The following NFIB variants were observed in gnomAD, a reference collection of about 807,000 sequenced individuals.
NFIB encodes the protein nuclear factor 1 B-type.
In NFIB, 11 loss-of-function variants were observed where a neutral mutation model predicts 61.5. The ratio of observed to expected loss-of-function variants is 0.18; its 90% confidence interval spans 0.11 to 0.30. The LOEUF is 0.30. Ranked by LOEUF, NFIB falls within the 10% of genes least tolerant of loss-of-function variation. The pLI is 1.00. For missense variants in NFIB, 471 were observed against 608.9 expected (o/e 0.77, Z 2.38); for synonymous variants, 260 against 216.5 (o/e 1.20, Z -1.76).
chr9:14,168,492 G>A (rs531544611), intron 3 of NFIB, among the ~76,000 whole-genome samples: 2 of 152,268 alleles, frequency 1.3e-5, no homozygotes, highest in East Asian at 3.9e-4. Flanking sequence ...AGCAGCACAC[G>A]GCTAACGCTA....
At chr9:14,414,614 G>C in the NFIB span, among the ~76,000 whole-genome samples, 3 of 148,638 alleles carry the variant, frequency 2.0e-5, no homozygotes, top group African/African-American at 7.5e-5. Flanking sequence ...GTTCATAATA[G>C]TGCCTACCTA....
intron 2 of NFIB, among the ~76,000 whole-genome samples, chr9:14,247,592 C>T (rs922064703): frequency 6.6e-6 from 1 of 152,200 alleles, no homozygotes; most frequent in Non-Finnish European, 1.5e-5. Context: ...ATCAAGCATC[C>T]AAAGGCCACC....
At chr9:14,170,966 AC>A (rs1438907043) in intron 3 of NFIB, among the ~76,000 whole-genome samples, 2 of 152,174 alleles carry the variant, frequency 1.3e-5, no homozygotes, top group East Asian at 3.9e-4. Flanking sequence ...ACCTTATGAC[AC>A]CATTTCAGAT....
the NFIB span, among the ~76,000 whole-genome samples, chr9:14,422,811 T>C: frequency 1.3e-5 from 2 of 152,126 alleles, no homozygotes; most frequent in Non-Finnish European, 2.9e-5. Context: ...CAGCCATAGA[T>C]AGCCCTGTGT....
intron 6 of NFIB, among the ~76,000 whole-genome samples, chr9:14,135,778 A>AT (rs959903005): frequency 8.5e-5 from 13 of 152,170 alleles, no homozygotes; most frequent in Admixed American, 3.9e-4. Flanking sequence ...TTTCTCAACC[A>AT]TTTTTTTTAA....
At chr9:14,425,492 C>G in the NFIB span, among the ~76,000 whole-genome samples, 1 of 151,820 alleles carries the variant, frequency 6.6e-6, no homozygotes, top group East Asian at 1.9e-4. Context: ...TTGTAGAGAT[C>G]TGGGGAAAAG....
chr9:14,463,979 A>T, the NFIB span, among the ~76,000 whole-genome samples: 2 of 152,118 alleles, frequency 1.3e-5, no homozygotes, highest in South Asian at 4.1e-4. Context: ...TTTTCTAAAA[A>T]CACAATCTAC....
At chr9:14,444,997 CA>C in the NFIB span, among the ~76,000 whole-genome samples, 1 of 150,832 alleles carries the variant, frequency 6.6e-6, no homozygotes, top group East Asian at 1.9e-4. Context: ...TGGAACAATA[CA>C]GTATGTGTTC....
intron 2 of NFIB, among the ~76,000 whole-genome samples, chr9:14,262,774 TTTTG>T (rs769010252): frequency 4.0e-5 from 6 of 151,876 alleles, no homozygotes; most frequent in East Asian, 1.9e-4. Flanking sequence ...GCTGTTTGTT[TTTTG>T]TTTATTTGTT....
chr9:14,330,952 G>A (rs764495639), intron 1 of NFIB, among the ~76,000 whole-genome samples: 4 of 152,124 alleles, frequency 2.6e-5, no homozygotes, highest in Admixed American at 6.5e-5. Flanking sequence ...CCTCTGTACT[G>A]AGTTTCCCCG....
intron 2 of NFIB, among the ~76,000 whole-genome samples, chr9:14,293,696 G>C (rs1274900478): frequency 6.6e-6 from 1 of 152,150 alleles, no homozygotes; most frequent in East Asian, 1.9e-4. Flanking sequence ...AGGATTAGTA[G>C]ACAGCCTTAT....
intron 1 of NFIB, among the ~76,000 whole-genome samples, chr9:14,312,893 T>A (rs570710058): frequency 6.6e-6 from 1 of 152,142 alleles, no homozygotes; most frequent in Non-Finnish European, 1.5e-5. Context: ...AACCCCAAAG[T>A]GCAGCAGGTC....
the NFIB span, among the ~76,000 whole-genome samples, chr9:14,423,720 A>G: frequency 3.1e-3 from 468 of 152,342 alleles, 4 homozygotes; most frequent in African/African-American, 0.011. Flanking sequence ...TCTGCAAAGT[A>G]GTTTGGCCAG....
intron 2 of NFIB, among the ~76,000 whole-genome samples, chr9:14,193,705 GAT>G (rs758403439): frequency 1.3e-5 from 2 of 152,110 alleles, no homozygotes; most frequent in African/African-American, 2.4e-5. Flanking sequence ...TACGCACAGG[GAT>G]ATATATGAAC....
rs562553833 is a variant in NFIB, at chr9:14,146,105, G to A, written c.925+584C>T. Among the ~76,000 whole-genome samples the A allele has an allele frequency of 2.6e-5, 4 of 152,056 alleles. No individual in the cohort carries two copies. In the East Asian group the frequency reaches 5.8e-4, roughly 22 times the overall value. The stretch of plus-strand genomic sequence containing the variant: ...AGAAGAGCTAAGTCTCAATCCTTCC[G>A]GGTCTCAATACCCATTTCTTAAAGT... On this transcript the variant is annotated intron_variant, in intron 6 of 10. Transcript: ENST00000380953.
At chr9:14,167,171 T>C (rs967271802) in intron 3 of NFIB, among the ~76,000 whole-genome samples, 4 of 151,328 alleles carry the variant, frequency 2.6e-5, no homozygotes, top group Non-Finnish European at 5.9e-5. Flanking sequence ...CATCTGAAGA[T>C]GAGGGTAGAC....
Position 14,087,982 on chromosome 9 carries a change from T to C in NFIB, c.*327A>G. On this transcript the variant is annotated 3_prime_UTR_variant, in exon 11 of 11. Transcript: ENST00000380953. ...AGGCTACGTTGCAGGGGCTGCGATCTACCATCAGTGAAATATCATCGACCC... is the reference window on the plus strand; with the variant it reads ...AGGCTACGTTGCAGGGGCTGCGATCCACCATCAGTGAAATATCATCGACCC... 1 of 309,442 alleles carries C rather than the reference T, an allele frequency of 3.2e-6. No homozygotes were observed. The highest frequency in any genetic ancestry group is 2.1e-5 in the African/African-American group (1 of 47,032). The allele number at this position is 309,442 out of a possible 1,614,324, so 19.2% of individuals were successfully genotyped here. A position where few individuals can be genotyped will look rare whatever the true frequency, so the allele number is the denominator to read the frequency against.
rs2050908499 is a variant in NFIB, at chr9:14,216,528, C to G, written c.563-36748G>C. Reference sequence around the variant, plus strand: ...TCTCTCTCTCTCTCTCTCTCTCTCTCTCTCTCTCTCTCTCCCTCTGTGTGT... The same window carrying G: ...TCTCTCTCTCTCTCTCTCTCTCTCTGTCTCTCTCTCTCTCCCTCTGTGTGT... On this transcript the variant is annotated intron_variant, in intron 2 of 10. Transcript: ENST00000380953. Among the ~76,000 whole-genome samples, 13 of 89,666 alleles carry G rather than the reference C, an allele frequency of 1.4e-4. No individual in the cohort carries two copies. The East Asian group carries it at 2.2e-3, about 15-fold the overall frequency. 58.8% of individuals were successfully genotyped at this position (89,666 alleles called of 152,430 possible). A position where few individuals can be genotyped will look rare whatever the true frequency, so the allele number is the denominator to read the frequency against.
intron 2 of NFIB, among the ~76,000 whole-genome samples, chr9:14,231,133 A>ATATATATAT (rs1392498228): frequency 9.2e-4 from 62 of 67,156 alleles, no homozygotes; most frequent in African/African-American, 2.2e-3. Context: ...AAAAAAAAAA[A>ATATATATAT]AAATATATAT....
Sources: allele counts gnomAD v4.1 joint callset (sites outside exome capture counted in the v4.1 genomes callset), GRCh38; gene constraint gnomAD v4.1.1; transcripts MANE v1.5; gene names NCBI Gene and HGNC (gene_info 2026-07-23, HGNC 2026-07-21).